Variants in ERN1 observed in about 807,000 individuals in gnomAD.
ERN1 encodes endoplasmic reticulum to nucleus signaling 1.
A neutral mutation model predicts 113.1 loss-of-function variants in ERN1; 39 were observed. That is an observed-to-expected ratio of 0.34 (90% confidence interval 0.27 to 0.45). The LOEUF is 0.45. Among genes scored for constraint, ERN1 ranks in the 20% least tolerant of loss-of-function variants. ERN1 has a pLI of 1.00. For synonymous variants in ERN1, 507 were observed against 515.9 expected, an observed-to-expected ratio of 0.98 and a Z score of 0.23; for missense variants, 976 against 1,274.8, an observed-to-expected ratio of 0.77 and a Z score of 3.57.
intron 5 of ERN1, among the ~76,000 whole-genome samples, chr17:64,073,832 C>T (rs922240296): frequency 2.6e-5 from 4 of 151,990 alleles, no homozygotes; most frequent in African/African-American, 7.3e-5. Context: ...TCTGTAGAGA[C>T]GGGGTCTCAC....
At chr17:64,112,667 A>C (rs1914706294) in intron 1 of ERN1, among the ~76,000 whole-genome samples, 1 of 152,206 alleles carries the variant, frequency 6.6e-6, no homozygotes, top group African/African-American at 2.4e-5. Context: ...AACTTTAAAA[A>C]GTTGTTGGGA....
chr17:64,057,676 A>G (rs1912916746), intron 12 of ERN1, 126 bp downstream of exon 12: 1 of 994,558 alleles, frequency 1.0e-6, no homozygotes, highest in Admixed American at 2.1e-5. Flanking sequence ...CCGGCCAACA[A>G]ACACTGACTT....
intron 2 of ERN1, among the ~76,000 whole-genome samples, chr17:64,087,097 G>T (rs1913956927): frequency 6.6e-6 from 1 of 152,088 alleles, no homozygotes; most frequent in East Asian, 1.9e-4. Context: ...TGATTCCTAG[G>T]TTCTTCCCCC....
chr17:64,044,188 G>A lies in ERN1; in HGVS notation c.2734C>T (p.Arg912Trp), dbSNP rs185854736. 7.4e-5 allele frequency: 115 copies of A among 1,544,152 alleles called. No individual in the cohort carries two copies. In the African/African-American group the frequency reaches 8.1e-4, roughly 11 times the overall value. The change falls in exon 22 of 22, where the codon CGG (arginine) becomes TGG (tryptophan). Residue 912 changes from arginine to tryptophan, a missense_variant. Physicochemically the swap from Arg to Trp is moderately radical, Grantham distance 101. This residue lies in a region of ERN1 where 297 missense variants were observed against 457.8 expected (regional missense o/e 0.65). Transcript: ENST00000433197. The surrounding 1 kb of genome is among the most constrained non-coding windows in gnomAD (Gnocchi z 4.1). ...TCCCGCACCTCTGCAGGCAGCTCCC[G>A]GTAGTGGTGCTTCTGCAAAGAGTTA... Reference protein sequence around the residue: ...RAMRNKKHHYRELPAEVRETL... With the variant: ...RAMRNKKHHYWELPAEVRETL...
intron 5 of ERN1, among the ~76,000 whole-genome samples, chr17:64,072,786 T>C (rs968986571): frequency 1.3e-4 from 20 of 152,230 alleles, no homozygotes; most frequent in African/African-American, 4.8e-4. Context: ...TATGTATCAA[T>C]GGTATATACC....
chr17:64,066,119 A>C (rs982305527), intron 8 of ERN1, among the ~76,000 whole-genome samples: 1 of 152,186 alleles, frequency 6.6e-6, no homozygotes, highest in Non-Finnish European at 1.5e-5. Flanking sequence ...AGGGGGATGG[A>C]GAACAGAAGC....
chr17:64,095,260 C>T (rs990766160), intron 2 of ERN1, among the ~76,000 whole-genome samples: 7 of 152,104 alleles, frequency 4.6e-5, no homozygotes, highest in Non-Finnish European at 1.0e-4. Flanking sequence ...GAAACTCCAT[C>T]TCTACTGAAA....
intron 1 of ERN1, among the ~76,000 whole-genome samples, chr17:64,120,745 G>A (rs1338607688): frequency 2.0e-5 from 3 of 152,240 alleles, no homozygotes; most frequent in Non-Finnish European, 2.9e-5. Flanking sequence ...TATGGGTCAC[G>A]TCCACCCAAG....
At chr17:64,119,376 G>GTTGTTTTTTGTTTTTTTT (rs777806993) in intron 1 of ERN1, among the ~76,000 whole-genome samples, 2 of 77,896 alleles carry the variant, frequency 2.6e-5, no homozygotes, top group African/African-American at 1.1e-4. Flanking sequence ...TTTTTTCTAG[G>GTTGTTTTTTGTTTTTTTT]TTTTTTTTTT....
intron 1 of ERN1, among the ~76,000 whole-genome samples, chr17:64,115,817 G>A (rs1348687253): frequency 6.6e-6 from 1 of 152,162 alleles, no homozygotes; most frequent in Admixed American, 6.5e-5. Flanking sequence ...GGGTTTCCAA[G>A]AAAGTAAGAA....
chr17:64,096,173 G>A (rs1186914074), intron 2 of ERN1, among the ~76,000 whole-genome samples: 1 of 152,234 alleles, frequency 6.6e-6, no homozygotes, highest in African/African-American at 2.4e-5. Context: ...CACACAGCAA[G>A]AGGTGAGCAG....
intron 2 of ERN1, among the ~76,000 whole-genome samples, chr17:64,082,844 A>C (rs1913809518): frequency 1.7e-5 from 2 of 120,906 alleles, no homozygotes. Context: ...GTGTTTAAGA[A>C]CTGTGATTTT....
chr17:64,071,869 C>T, intron 6 of ERN1, 112 bp downstream of exon 6: 9 of 1,124,680 alleles, frequency 8.0e-6, no homozygotes, highest in Non-Finnish European at 1.2e-5. Flanking sequence ...CATGATGGGA[C>T]CTGTGTTTGG....
chr17:64,082,771 G>C (rs3744283), intron 2 of ERN1, among the ~76,000 whole-genome samples: 28,868 of 152,122 alleles, frequency 0.19, 2,906 homozygotes, highest in East Asian at 0.32. Flanking sequence ...TATCAGGAAG[G>C]TTCCAGTTAA....
At chr17:64,051,677 T>G (rs1419791199) in intron 17 of ERN1, among the ~76,000 whole-genome samples, 1 of 152,108 alleles carries the variant, frequency 6.6e-6, no homozygotes, top group Non-Finnish European at 1.5e-5. Context: ...AAAATATAGG[T>G]GGAAAGATTT....
intron 11 of ERN1, among the ~76,000 whole-genome samples, chr17:64,059,848 ATTTT>A (rs57472561): frequency 0.57 from 64,959 of 114,630 alleles, 20,642 homozygotes; most frequent in Non-Finnish European, 0.72. Context: ...TTCTTCAACA[ATTTT>A]TTTTTTTTTT....
intron 2 of ERN1, among the ~76,000 whole-genome samples, chr17:64,095,118 AG>A (rs1914194116): frequency 6.6e-6 from 1 of 152,212 alleles, no homozygotes; most frequent in Admixed American, 6.5e-5. Context: ...GTTTATTCTT[AG>A]AAAAACAGAT....
chr17:64,095,081 T>C (rs1914193201), intron 2 of ERN1, among the ~76,000 whole-genome samples: 1 of 152,212 alleles, frequency 6.6e-6, no homozygotes. Context: ...AGGCCACTGG[T>C]ATCCAGGGCT....
At chr17:64,074,738 T>C (rs1316375116) in intron 5 of ERN1, among the ~76,000 whole-genome samples, 1 of 152,258 alleles carries the variant, frequency 6.6e-6, no homozygotes, top group Non-Finnish European at 1.5e-5. Flanking sequence ...CCCATAGGTA[T>C]GAAGGCAGTT....
Sources: gnomAD v4.1 joint callset for allele counts (sites outside exome capture counted in the v4.1 genomes callset) on GRCh38, gnomAD v4.1.1 for gene constraint, gnomAD v4.1.1 regional missense constraint, Gnocchi (gnomAD v3.1) non-coding constraint, MANE v1.5 for transcripts, NCBI Gene and HGNC (gene_info 2026-07-23, HGNC 2026-07-21) for gene names.